Variants in SGCZ observed in about 807,000 individuals in gnomAD.
The protein encoded by SGCZ is sarcoglycan zeta.
Under a neutral mutation model 41.3 loss-of-function variants are expected in SGCZ, and 40 were observed. The observed-to-expected ratio is 0.97, with a 90% confidence interval of 0.75 to 1.26. SGCZ has a LOEUF of 1.26. SGCZ is among the 50% of genes most tolerant of loss of function. The pLI, the probability that SGCZ is intolerant of heterozygous loss-of-function variation, is 0.00. For synonymous variants in SGCZ, 206 were observed against 137.5 expected (o/e 1.50, Z -3.49); for missense variants, 552 against 369.8 (o/e 1.49, Z -4.04).
chr8:14,377,603 T>C (rs1804181951), intron 2 of SGCZ, among the ~76,000 whole-genome samples: 1 of 152,018 alleles, frequency 6.6e-6, no homozygotes, highest in Admixed American at 6.6e-5. Flanking sequence ...TATGTATACA[T>C]GTGCCATGCT....
chr8:14,752,740 G>T (rs185395070), intron 1 of SGCZ, among the ~76,000 whole-genome samples: 380 of 152,152 alleles, frequency 2.5e-3, no homozygotes, highest in African/African-American at 8.6e-3. Flanking sequence ...GAAAGCAAAA[G>T]AAAAAAGAAA....
intron 1 of SGCZ, among the ~76,000 whole-genome samples, chr8:14,787,846 C>T (rs1033980165): frequency 1.4e-5 from 2 of 143,432 alleles, no homozygotes; most frequent in Non-Finnish European, 3.1e-5. Context: ...AACTCCATTT[C>T]AAAAAAAAAA....
At chr8:14,558,935 T>C (rs1364443738) in intron 1 of SGCZ, among the ~76,000 whole-genome samples, 1 of 152,008 alleles carries the variant, frequency 6.6e-6, no homozygotes, top group African/African-American at 2.4e-5. Context: ...AGCATCCCTT[T>C]ATGATTAAAA....
intron 1 of SGCZ, among the ~76,000 whole-genome samples, chr8:15,091,306 TACCAC>T (rs1806147359): frequency 6.6e-6 from 1 of 152,162 alleles, no homozygotes; most frequent in Non-Finnish European, 1.5e-5. Context: ...TAGTGTGTGT[TACCAC>T]ACCTGGCTCA....
intron 1 of SGCZ, among the ~76,000 whole-genome samples, chr8:14,731,719 T>C (rs1444662897): frequency 2.6e-5 from 4 of 152,180 alleles, no homozygotes; most frequent in Non-Finnish European, 5.9e-5. Context: ...AAAGATTACA[T>C]ATTTTAATTT....
At position 15,171,616 on chromosome 8, in the gene SGCZ, T is replaced by C. The variant is rs142910040; in HGVS notation, c.39+65969A>G. ...GATTTCTCTGCAGCCATAAAGTTTA[T>C]TCCTATGAATTAGAAGTTCTTCTGA... On this transcript the variant is annotated intron_variant, in intron 1 of 7. Coordinates refer to ENST00000382080, the MANE Select transcript of SGCZ (RefSeq NM_139167.4). Among the ~76,000 whole-genome samples the C allele has an allele frequency of 3.5e-3, 533 of 152,350 alleles. 3 individuals are homozygous for C. The highest frequency in any genetic ancestry group is 0.012 in the African/African-American group (506 of 41,574).
Position 14,568,785 on chromosome 8 carries a change from G to A in SGCZ, c.40-13859C>T, listed in dbSNP as rs561786401. On this transcript the variant is annotated intron_variant, in intron 1 of 7. Transcript: ENST00000382080. ...GGGAGCAAGCACTTTGAGAATCACC[G>A]TAGTGCCATTTACTCCATCATTACA... Among the ~76,000 whole-genome samples the A allele has an allele frequency of 3.1e-4, 47 of 152,266 alleles. 1 individual carries two copies. The South Asian group carries it at 3.5e-3, about 11-fold the overall frequency.
chr8:14,969,270 C>T (rs1321342493), intron 1 of SGCZ, among the ~76,000 whole-genome samples: 1 of 152,058 alleles, frequency 6.6e-6, no homozygotes, highest in African/African-American at 2.4e-5. Context: ...AAATTCTAGG[C>T]CACTGGCCTA....
chr8:14,829,967 C>G (rs756096689), intron 1 of SGCZ, among the ~76,000 whole-genome samples: 2 of 152,008 alleles, frequency 1.3e-5, no homozygotes, highest in African/African-American at 2.4e-5. Flanking sequence ...GACTGCACCA[C>G]GCCCGGCTAA....
chr8:15,214,169 G>C (rs1168595873), intron 1 of SGCZ, among the ~76,000 whole-genome samples: 1 of 151,810 alleles, frequency 6.6e-6, no homozygotes, highest in Admixed American at 6.6e-5. Flanking sequence ...GGCACCAAAA[G>C]TGGCATTGAA....
intron 4 of SGCZ, among the ~76,000 whole-genome samples, chr8:14,168,702 G>C (rs542421505): frequency 1.3e-5 from 2 of 152,204 alleles, no homozygotes; most frequent in African/African-American, 4.8e-5. Context: ...TGTGAAAACG[G>C]ACTAATACGC....
intron 2 of SGCZ, among the ~76,000 whole-genome samples, chr8:14,491,935 C>T (rs1368570029): frequency 1.3e-5 from 2 of 151,258 alleles, no homozygotes. Context: ...AAATTGCTAG[C>T]CATTAGTTAC....
At chr8:14,656,092 T>G (rs1807559137) in intron 1 of SGCZ, among the ~76,000 whole-genome samples, 1 of 152,068 alleles carries the variant, frequency 6.6e-6, no homozygotes, top group African/African-American at 2.4e-5. Context: ...ATGAACGTTG[T>G]TTTTATTTCC....
chr8:15,004,922 C>T (rs6984461), intron 1 of SGCZ, among the ~76,000 whole-genome samples: 73,152 of 151,974 alleles, frequency 0.48, 18,008 homozygotes, highest in South Asian at 0.54. Context: ...CACACCTCCA[C>T]CCCCAATTCT....
Position 14,815,964 on chromosome 8 carries a change from T to C in SGCZ, c.40-261038A>G, listed in dbSNP as rs563538517. Reference sequence around the variant, plus strand: ...TTAGAAGCATCATCCAATAAAAATATAATGTGAGCCATTATACAATTTTAA... The same window carrying C: ...TTAGAAGCATCATCCAATAAAAATACAATGTGAGCCATTATACAATTTTAA... On this transcript the variant is annotated intron_variant, in intron 1 of 7. Transcript: ENST00000382080. Among the ~76,000 whole-genome samples, 21 of 152,332 alleles carry C rather than the reference T, an allele frequency of 1.4e-4. No homozygotes were observed. The South Asian group carries it at 1.9e-3, about 14-fold the overall frequency.
intron 3 of SGCZ, among the ~76,000 whole-genome samples, chr8:14,248,989 A>G (rs3988435): frequency 0.7 from 106,579 of 152,010 alleles, 37,868 homozygotes; most frequent in South Asian, 0.81. Flanking sequence ...AGTACAACAC[A>G]GTTATAGTAC....
chr8:15,217,743 T>A (rs1006422134), intron 1 of SGCZ, among the ~76,000 whole-genome samples: 13 of 152,312 alleles, frequency 8.5e-5, no homozygotes, highest in South Asian at 2.1e-4. Flanking sequence ...GAAAATGAAA[T>A]TCTCCTGTAT....
At chr8:15,115,795 G>C (rs1041456633) in intron 1 of SGCZ, among the ~76,000 whole-genome samples, 1 of 152,190 alleles carries the variant, frequency 6.6e-6, no homozygotes, top group Non-Finnish European at 1.5e-5. Flanking sequence ...GTGTAAGAAG[G>C]TTTATTCAAC....
At chr8:14,810,135 G>C (rs1200041180) in intron 1 of SGCZ, among the ~76,000 whole-genome samples, 1 of 151,858 alleles carries the variant, frequency 6.6e-6, no homozygotes, top group East Asian at 1.9e-4. Flanking sequence ...CAGGATTAGA[G>C]ACTAAAAATG....
Sources: gnomAD v4.1 joint callset for allele counts (sites outside exome capture counted in the v4.1 genomes callset) on GRCh38, gnomAD v4.1.1 for gene constraint, MANE v1.5 for transcripts, NCBI Gene and HGNC (gene_info 2026-07-23, HGNC 2026-07-21) for gene names.